SLC10A1: variants seen among roughly 807,000 people sequenced by gnomAD.
SLC10A1 encodes the protein hepatic sodium/bile acid cotransporter.
In SLC10A1, 36 loss-of-function variants were observed where a neutral mutation model predicts 20.5. The ratio of observed to expected loss-of-function variants is 1.75; its 90% CI spans 1.34 to 2.32. SLC10A1 has a LOEUF of 2.32. Among genes scored for constraint, SLC10A1 ranks in the 30% most tolerant of loss-of-function variants. SLC10A1 has a pLI of 0.00. For missense variants in SLC10A1, 545 were observed against 439.1 expected, an observed-to-expected ratio of 1.24 and a Z score of -2.16; for synonymous variants, 188 against 163.6, an observed-to-expected ratio of 1.15 and a Z score of -1.14.
rs35397817 is a variant in SLC10A1, at chr14:69,782,808, GAA to G, written c.567+3287_567+3288del. ...GGGCGACAGAGTGAGACTCCGTCTC[GAA>G]AAAAAAAAAAAAAAAGGGTCTGAGA... On this transcript the variant is annotated intron_variant, in intron 2 of 4. Transcript: ENST00000216540. Among the ~76,000 whole-genome samples the G allele has an allele frequency of 7.4e-4, 76 of 102,682 alleles. 2 individuals carry two copies. The highest frequency in any genetic ancestry group is 2.7e-3 in the South Asian group (8 of 3,012). The allele number at this position is 102,682 out of a possible 152,430, so 67.4% of individuals were successfully genotyped here.
intron 4 of SLC10A1, among the ~76,000 whole-genome samples, chr14:69,776,692 G>A (rs563973459): frequency 1.3e-5 from 2 of 152,348 alleles, no homozygotes; most frequent in South Asian, 2.1e-4. Context: ...TGCAAGGTCT[G>A]TGTTGCATTC....
rs1883436405 is a variant in SLC10A1 at position 69,775,996 on chromosome 14, T to G, written c.*286A>C. ...GACTTTAAGATGCTTATCAGACACT[T>G]TTAGAGATCCCAGCAAGAGGCAGAT... On this transcript the variant is annotated 3_prime_UTR_variant, in exon 5 of 5. Transcript: ENST00000216540. The G allele has an allele frequency of 2.6e-6, 1 of 390,512 alleles. No homozygotes were observed. The highest frequency in any genetic ancestry group is 4.6e-6 in the Non-Finnish European group (1 of 215,764). The allele number at this position is 390,512 out of a possible 1,614,324, so 24.2% of individuals were successfully genotyped here.
At chr14:69,795,568 C>A (rs1882372717) in intron 1 of SLC10A1, among the ~76,000 whole-genome samples, 1 of 151,876 alleles carries the variant, frequency 6.6e-6, no homozygotes, top group African/African-American at 2.4e-5. Context: ...CTATGCCTGG[C>A]TAATTAAATA....
chr14:69,795,878 A>T (rs1882377853), intron 1 of SLC10A1, among the ~76,000 whole-genome samples: 1 of 152,146 alleles, frequency 6.6e-6, no homozygotes, highest in African/African-American at 2.4e-5. Flanking sequence ...CTGGCATTGA[A>T]TAGCGTCTCC....
chr14:69,793,496 A>T (rs139274239), intron 1 of SLC10A1, among the ~76,000 whole-genome samples: 156 of 152,260 alleles, frequency 1.0e-3, no homozygotes, highest in African/African-American at 3.6e-3. Flanking sequence ...TGTGTACCCC[A>T]TTTAAGGGAC....
intron 2 of SLC10A1, among the ~76,000 whole-genome samples, chr14:69,783,730 G>T (rs1035528606): frequency 6.6e-6 from 1 of 152,212 alleles, no homozygotes; most frequent in Non-Finnish European, 1.5e-5. Context: ...TTAGAACTGG[G>T]TGAGGAGGTT....
Position 69,797,137 on chromosome 14 carries a change from A to G in SLC10A1, c.19T>C (p.Ser7Pro), listed in dbSNP as rs201975291. Residue 7 changes from serine (S) to proline (P), a missense_variant, in exon 1 of 5, where the codon TCT becomes CCT. By Grantham distance (74) the Ser-to-Pro change is moderately conservative. Coordinates refer to ENST00000216540, the MANE Select transcript of SLC10A1 (RefSeq NM_003049.4). Reference sequence around the variant, plus strand: ...GGCAGGGTGAAGTTGAATGGGGCAGACGCGTTGTGGGCCTCCATCCTCCTG... The same window carrying G: ...GGCAGGGTGAAGTTGAATGGGGCAGGCGCGTTGTGGGCCTCCATCCTCCTG... MEAHNASAPFNFTLPPN... is the reference protein window; with the variant it reads MEAHNAPAPFNFTLPPN... 14 of 1,611,110 alleles carry G rather than the reference A, an allele frequency of 8.7e-6. No homozygotes were observed. Among genetic ancestry groups the G allele is most frequent in the Non-Finnish European group, 1.2e-5 (14 of 1,178,336 alleles).
chr14:69,792,436 C>T (rs1371009992), intron 1 of SLC10A1, among the ~76,000 whole-genome samples: 1 of 152,100 alleles, frequency 6.6e-6, no homozygotes, highest in Non-Finnish European at 1.5e-5. Flanking sequence ...CATGAATGGC[C>T]AACGCACACG....
chr14:69,776,126 C>G lies in SLC10A1; in HGVS notation c.*156G>C, dbSNP rs1883440044. ...GAGGCTTCTTGGGTAGACACCCTGTCTGTGTTCCCGGCCAAGACTTGATGA... is the reference window on the plus strand; with the variant it reads ...GAGGCTTCTTGGGTAGACACCCTGTGTGTGTTCCCGGCCAAGACTTGATGA... On this transcript the variant is annotated 3_prime_UTR_variant, in exon 5 of 5. Coordinates refer to ENST00000216540, the MANE Select transcript of SLC10A1 (RefSeq NM_003049.4). 1.6e-6 allele frequency: 1 copy of G among 615,596 alleles called. No homozygotes were observed. The highest frequency in any genetic ancestry group is 2.8e-5 in the East Asian group (1 of 36,210). The allele number at this position is 615,596 out of a possible 1,614,324, so 38.1% of individuals were successfully genotyped here.
intron 4 of SLC10A1, among the ~76,000 whole-genome samples, chr14:69,777,549 A>G (rs993921408): frequency 5.5e-5 from 8 of 146,594 alleles, no homozygotes; most frequent in African/African-American, 2.0e-4. Flanking sequence ...TTATAATGAA[A>G]TGTGTTATAA....
At position 69,796,939 on chromosome 14, in the gene SLC10A1, G is replaced by C; in HGVS notation, c.217C>G (p.Pro73Ala). Residue 73 changes from proline (P) to alanine (A), a missense_variant, in exon 1 of 5, where the codon CCC (proline) becomes GCC (alanine). Transcript: ENST00000216540. ...IALVAQYGIM[P>A]LTAFVLGKVF... Reference sequence around the variant, plus strand: ...TTGCCCAGCACAAAGGCCGTGAGGGGCATGATGCCATACTGTGCCACCAGG... The same window carrying C: ...TTGCCCAGCACAAAGGCCGTGAGGGCCATGATGCCATACTGTGCCACCAGG... 1 of 1,614,214 alleles carries C rather than the reference G, an allele frequency of 6.2e-7. No homozygotes were observed. Among genetic ancestry groups the C allele is most frequent in the Non-Finnish European group, 8.5e-7 (1 of 1,180,020 alleles).
intron 2 of SLC10A1, among the ~76,000 whole-genome samples, chr14:69,780,624 CTTTG>C (rs1207547885): frequency 1.3e-5 from 2 of 152,186 alleles, no homozygotes; most frequent in Non-Finnish European, 2.9e-5. Flanking sequence ...AGCTGCACAG[CTTTG>C]TGTTTCTGTT....
At chr14:69,791,132 T>C (rs1463357965) in intron 1 of SLC10A1, among the ~76,000 whole-genome samples, 3 of 152,122 alleles carry the variant, frequency 2.0e-5, no homozygotes, top group Non-Finnish European at 2.9e-5. Context: ...AAAGAAAAGC[T>C]ATATCATATT....
chr14:69,780,747 G>A (rs962682821), intron 2 of SLC10A1, among the ~76,000 whole-genome samples: 6 of 152,180 alleles, frequency 3.9e-5, no homozygotes, highest in Admixed American at 3.3e-4. Flanking sequence ...ATAACCATGT[G>A]CTTCAAGTTT....
In SLC10A1 at chr14:69,779,283, CATG is replaced by C. The variant is rs1420969479; in HGVS notation, c.642_644del (p.Ile214del). The C allele has an allele frequency of 6.2e-7, 1 of 1,613,938 alleles. No individual in the cohort carries two copies. The highest frequency in any genetic ancestry group is 8.5e-7 in the Non-Finnish European group (1 of 1,179,964). Reference sequence around the variant, plus strand: ...CAATCAAGAGTGGTGTCATGGCAAACATGATGCTCTTCCCCACATTGATGGCAG... The same window carrying C: ...CAATCAAGAGTGGTGTCATGGCAAACATGCTCTTCCCCACATTGATGGCAG... On this transcript the variant is annotated inframe_deletion, in exon 3 of 5. Coordinates refer to ENST00000216540, the MANE Select transcript of SLC10A1 (RefSeq NM_003049.4).
At chr14:69,791,226 T>G (rs1883830581) in intron 1 of SLC10A1, among the ~76,000 whole-genome samples, 1 of 152,166 alleles carries the variant, frequency 6.6e-6, no homozygotes, top group Admixed American at 6.5e-5. Flanking sequence ...ACTTCCAGAC[T>G]TATAATTTTT....
At position 69,797,006 on chromosome 14, in the gene SLC10A1, C is replaced by A; in HGVS notation, c.150G>T (p.Lys50Asn). The A allele has an allele frequency of 6.2e-7, 1 of 1,614,248 alleles. No homozygotes were observed. Among genetic ancestry groups the A allele is most frequent in the African/African-American group, 1.3e-5 (1 of 75,074 alleles). The change falls in exon 1 of 5, where the codon AAG (lysine) becomes AAT (asparagine). Residue 50 changes from lysine (K) to asparagine (N), a missense_variant. Coordinates refer to ENST00000216540, the MANE Select transcript of SLC10A1 (RefSeq NM_003049.4). The part of the protein sequence containing the change: ...LSLGCTMEFS[K>N]IKAHLWKPKG... ...TAGGCTTCCATAAGTGAGCCTTGAT[C>A]TTGCTGAACTCCATGGTGCAGCCCA... is the stretch of plus-strand genomic sequence containing the variant.
At chr14:69,780,220 G>A (rs966401057) in intron 2 of SLC10A1, among the ~76,000 whole-genome samples, 1 of 152,208 alleles carries the variant, frequency 6.6e-6, no homozygotes, top group Admixed American at 6.5e-5. Context: ...TGAAATTATA[G>A]GGTTTTTCAT....
rs958960003 is a variant in SLC10A1, at chr14:69,779,625, A to G, written c.568-265T>C. Among the ~76,000 whole-genome samples the G allele has an allele frequency of 2.0e-5, 3 of 152,176 alleles. No homozygotes were observed. The South Asian group carries it at 6.2e-4, about 32-fold the overall frequency. ...AGCGGTCCTCCTGCCTTGGCCTTCC[A>G]AAGTGCTGGGATTACAGGTGTGAGC... is the stretch of plus-strand genomic sequence containing the variant. On this transcript the variant is annotated intron_variant, in intron 2 of 4. Transcript: ENST00000216540.
Sources: gnomAD v4.1 joint callset for allele counts (sites outside exome capture counted in the v4.1 genomes callset) on GRCh38, gnomAD v4.1.1 for gene constraint, MANE v1.5 for transcripts, NCBI Gene and HGNC (gene_info 2026-07-23, HGNC 2026-07-21) for gene names.